Variants in RIPOR2 observed in about 807,000 individuals in gnomAD.
RIPOR2 encodes the protein RHO family interacting cell polarization regulator 2.
RIPOR2 carries 39 observed loss-of-function variants against 114.5 expected under a neutral mutation model. The observed-to-expected ratio is 0.34, with a 90% confidence interval of 0.26 to 0.44. The LOEUF (loss-of-function observed/expected upper bound fraction) is 0.44. RIPOR2 is among the 20% of genes least tolerant of loss of function. The pLI is 1.00. For missense variants in RIPOR2, 1,007 were observed against 1,255.1 expected, an observed-to-expected ratio of 0.80 and a Z score of 2.99; for synonymous variants, 445 against 484.4, an observed-to-expected ratio of 0.92 and a Z score of 1.07.
intron 6 of RIPOR2, among the ~76,000 whole-genome samples, chr6:24,867,149 G>C (rs558811122): frequency 6.6e-6 from 1 of 152,248 alleles, no homozygotes; most frequent in Non-Finnish European, 1.5e-5. Flanking sequence ...ACTCTGCTGA[G>C]AAGAATGCCC....
chr6:24,926,724 G>A (rs550448212), intron 1 of RIPOR2, among the ~76,000 whole-genome samples: 80 of 152,204 alleles, frequency 5.3e-4, no homozygotes, highest in African/African-American at 1.7e-3. Context: ...TGAGAAAATC[G>A]CCGTTACATA....
chr6:24,921,657 C>G (rs761203748), intron 1 of RIPOR2, among the ~76,000 whole-genome samples: 57 of 151,604 alleles, frequency 3.8e-4, no homozygotes, highest in Admixed American at 5.9e-4. Flanking sequence ...TATCGCCCCC[C>G]CCGACCCTGA....
chr6:25,007,249 G>A (rs1488934395), intron 1 of RIPOR2, among the ~76,000 whole-genome samples: 1 of 152,142 alleles, frequency 6.6e-6, no homozygotes, highest in Non-Finnish European at 1.5e-5. Flanking sequence ...GTGTCTACAC[G>A]GTAAGCTGGA....
At chr6:24,995,730 C>G (rs1187462473) in intron 1 of RIPOR2, among the ~76,000 whole-genome samples, 1 of 151,884 alleles carries the variant, frequency 6.6e-6, no homozygotes, top group African/African-American at 2.4e-5. Context: ...TATTTTATAT[C>G]TGTATAAATA....
chr6:24,897,797 G>A (rs1379616532), intron 1 of RIPOR2, among the ~76,000 whole-genome samples: 1 of 151,902 alleles, frequency 6.6e-6, no homozygotes, highest in African/African-American at 2.4e-5. Flanking sequence ...GATGATGTCT[G>A]GTTCTATTGC....
At chr6:24,913,185 A>G (rs1309143339) in intron 1 of RIPOR2, among the ~76,000 whole-genome samples, 1 of 150,514 alleles carries the variant, frequency 6.6e-6, no homozygotes, top group East Asian at 1.9e-4. Flanking sequence ...GTGTATGTGC[A>G]CATACAGAGC....
chr6:24,978,975 T>C (rs928105796), intron 1 of RIPOR2, among the ~76,000 whole-genome samples: 14 of 152,194 alleles, frequency 9.2e-5, no homozygotes, highest in African/African-American at 3.1e-4. Flanking sequence ...TATATTAGCT[T>C]AGGCCTGGGG....
intron 1 of RIPOR2, among the ~76,000 whole-genome samples, chr6:24,970,524 C>T (rs1304894635): frequency 6.6e-6 from 1 of 152,246 alleles, no homozygotes; most frequent in Non-Finnish European, 1.5e-5. Flanking sequence ...GAACTGGACC[C>T]TCCTCAGGAG....
intron 1 of RIPOR2, among the ~76,000 whole-genome samples, chr6:25,028,083 C>G (rs9467378): frequency 0.21 from 31,924 of 152,172 alleles, 4,127 homozygotes; most frequent in East Asian, 0.59. Flanking sequence ...GGGACTCAAG[C>G]TAGGCATTCT....
intron 1 of RIPOR2, among the ~76,000 whole-genome samples, chr6:25,009,130 C>T (rs986042250): frequency 2.6e-5 from 4 of 152,082 alleles, no homozygotes; most frequent in African/African-American, 7.2e-5. Context: ...AAAGCATGGG[C>T]GAGTGATGTT....
Position 24,843,398 on chromosome 6 carries a change from T to G in RIPOR2, c.1321A>C (p.Thr441Pro). 1 of 1,613,400 alleles carries G rather than the reference T, an allele frequency of 6.2e-7. No individual in the cohort carries two copies. Among genetic ancestry groups the G allele is most frequent in the African/African-American group, 1.3e-5 (1 of 74,880 alleles). ...SNSTNPEITI[T>P]PAEFNLSSLA... ...CTGCTGAGGTTAAACTCCGCAGGGGTGATGGTAATTTCTGGATTTGTTGAG... is the reference window on the plus strand; with the variant it reads ...CTGCTGAGGTTAAACTCCGCAGGGGGGATGGTAATTTCTGGATTTGTTGAG... Residue 441 changes from threonine to proline, a missense_variant, in exon 13 of 22, where the codon ACC becomes CCC. By Grantham distance (38) the Thr-to-Pro change is conservative (BLOSUM62 -1). Transcript: ENST00000643898.
intron 8 of RIPOR2, among the ~76,000 whole-genome samples, chr6:24,852,824 T>G (rs1041331036): frequency 6.6e-6 from 1 of 152,180 alleles, no homozygotes; most frequent in Non-Finnish European, 1.5e-5. Context: ...GATGAAGTGA[T>G]GGAAGAGGTG....
intron 1 of RIPOR2, among the ~76,000 whole-genome samples, chr6:24,925,379 C>T (rs1204607082): frequency 2.6e-5 from 4 of 152,164 alleles, no homozygotes; most frequent in Admixed American, 2.0e-4. Context: ...GCTTCTGACC[C>T]ACCATCAGTT....
chr6:24,872,090 G>A (rs1395714443), intron 4 of RIPOR2, among the ~76,000 whole-genome samples: 1 of 152,208 alleles, frequency 6.6e-6, no homozygotes, highest in Non-Finnish European at 1.5e-5. Context: ...ACTATGTTGA[G>A]TTTTCTTGGG....
intron 1 of RIPOR2, among the ~76,000 whole-genome samples, chr6:24,985,719 C>T (rs1774500683): frequency 6.6e-6 from 1 of 152,074 alleles, no homozygotes; most frequent in Non-Finnish European, 1.5e-5. Context: ...TATAACTATC[C>T]ATGGGTCCTA....
At chr6:24,867,268 T>G (rs1383564655) in intron 6 of RIPOR2, among the ~76,000 whole-genome samples, 2 of 152,222 alleles carry the variant, frequency 1.3e-5, no homozygotes, top group Non-Finnish European at 2.9e-5. Context: ...ATCTTTTGGT[T>G]GATGGTTGGC....
At position 24,840,149 on chromosome 6, in the gene RIPOR2, CT is replaced by C. The variant is rs200002070; in HGVS notation, c.1858-878del. On this transcript the variant is annotated intron_variant, in intron 13 of 21. Coordinates refer to ENST00000643898, the MANE Select transcript of RIPOR2 (RefSeq NM_001286445.3). ...CTTTTATTGCAGAGACAGGGTCTCC[CT>C]ATGTTGACCATACCGGTCTTGAACT... 8.8e-4 allele frequency: 720 copies of C among 813,980 alleles called. 2 individuals carry two copies. In the African/African-American group the frequency reaches 0.012, roughly 13 times the overall value. The allele number at this position is 813,980 out of a possible 1,614,324, so 50.4% of individuals were successfully genotyped here.
At chr6:24,847,569 C>T (rs1426222168) in intron 12 of RIPOR2, 20 of 1,551,520 alleles carry the variant, frequency 1.3e-5, no homozygotes, top group African/African-American at 4.1e-5. Context: ...CCTTGGGACT[C>T]GGCCTGAGGG....
At chr6:24,988,630 G>T (rs1024271230) in intron 1 of RIPOR2, among the ~76,000 whole-genome samples, 1 of 152,050 alleles carries the variant, frequency 6.6e-6, no homozygotes, top group African/African-American at 2.4e-5. Context: ...GTGTAGAAAA[G>T]ACATCATATA....
Sources: gnomAD v4.1 joint callset for allele counts (sites outside exome capture counted in the v4.1 genomes callset) on GRCh38, gnomAD v4.1.1 for gene constraint, MANE v1.5 for transcripts, NCBI Gene and HGNC (gene_info 2026-07-23, HGNC 2026-07-21) for gene names.